PRR5L: variants seen among roughly 807,000 people sequenced by gnomAD.
PRR5L encodes proline-rich protein 5-like.
A neutral mutation model predicts 36.4 loss-of-function variants in PRR5L; 21 were observed. The observed-to-expected ratio is 0.58, with a 90% CI of 0.41 to 0.83. The LOEUF (loss-of-function observed/expected upper bound fraction) is 0.83, where lower values mean the gene tolerates loss of function less well. Ranked by LOEUF, PRR5L falls within the 40% of genes least tolerant of loss-of-function variation. PRR5L has a pLI of 0.00. For missense variants in PRR5L, 381 were observed against 473.3 expected (o/e 0.80, Z 1.81); for synonymous variants, 188 against 197.0 (o/e 0.95, Z 0.38).
chr11:36,338,922 C>T (rs935343665), intron 1 of PRR5L, among the ~76,000 whole-genome samples: 2 of 152,012 alleles, frequency 1.3e-5, no homozygotes, highest in African/African-American at 4.8e-5. Context: ...TCACGGGGGC[C>T]CGTCTTTCCC....
intron 1 of PRR5L, among the ~76,000 whole-genome samples, chr11:36,368,923 A>C (rs1857171452): frequency 6.6e-6 from 1 of 152,236 alleles, no homozygotes. Context: ...TAGGGTCCCC[A>C]ATCACTTTAA....
rs893209482 is a variant in PRR5L at position 36,376,319 on chromosome 11, G to A, written c.-125-24678G>A. 5.5e-6 allele frequency: 6 copies of A among 1,098,350 alleles called. No individual in the cohort carries two copies. In the African/African-American group the frequency reaches 1.1e-4, roughly 20 times the overall value. 68.0% of individuals were successfully genotyped at this position (1,098,350 alleles called of 1,614,324 possible). On this transcript the variant is annotated intron_variant, in intron 1 of 8. Coordinates refer to ENST00000530639, the MANE Select transcript of PRR5L (RefSeq NM_001160167.2). ...GGGAGGAGAAGGAGGAAGAGGGGAG[G>A]AGGGGGAGAAGGGGGAGGAGGAGGA...
At chr11:36,305,969 A>G (rs1249217690) in intron 1 of PRR5L, among the ~76,000 whole-genome samples, 1 of 152,254 alleles carries the variant, frequency 6.6e-6, no homozygotes, top group African/African-American at 2.4e-5. Context: ...TAAGATGTGT[A>G]TAAAGGTGCT....
chr11:36,332,085 C>T (rs181505436), intron 1 of PRR5L, among the ~76,000 whole-genome samples: 103 of 152,192 alleles, frequency 6.8e-4, no homozygotes, highest in African/African-American at 2.1e-3. Context: ...TGGCTTTAGA[C>T]GGGTTCATTC....
At chr11:36,320,875 A>G (rs992624040) in intron 1 of PRR5L, among the ~76,000 whole-genome samples, 1 of 152,234 alleles carries the variant, frequency 6.6e-6, no homozygotes, top group South Asian at 2.1e-4. Flanking sequence ...ACTGCATATA[A>G]TATGCTTAGT....
intron 1 of PRR5L, among the ~76,000 whole-genome samples, chr11:36,302,180 G>A (rs564127170): frequency 2.0e-5 from 3 of 152,280 alleles, no homozygotes; most frequent in South Asian, 2.1e-4. Context: ...ACAATGAATG[G>A]CCTCTAATCA....
intron 7 of PRR5L, among the ~76,000 whole-genome samples, chr11:36,448,943 G>A (rs906610761): frequency 6.6e-6 from 1 of 152,128 alleles, no homozygotes; most frequent in African/African-American, 2.4e-5. Context: ...GCCTTTCTAG[G>A]CAACTACTGC....
intron 1 of PRR5L, among the ~76,000 whole-genome samples, chr11:36,369,126 G>T (rs1045913224): frequency 6.6e-6 from 1 of 152,194 alleles, no homozygotes; most frequent in Non-Finnish European, 1.5e-5. Flanking sequence ...ATAAAAGCAC[G>T]TGGTGATGAT....
At chr11:36,336,771 T>C (rs1329054505) in intron 1 of PRR5L, among the ~76,000 whole-genome samples, 1 of 152,146 alleles carries the variant, frequency 6.6e-6, no homozygotes, top group African/African-American at 2.4e-5. Flanking sequence ...AGAATCCTCT[T>C]GCATGCCACC....
intron 4 of PRR5L, among the ~76,000 whole-genome samples, chr11:36,429,311 T>C (rs1450325766): frequency 6.6e-6 from 1 of 152,190 alleles, no homozygotes; most frequent in Admixed American, 6.5e-5. Context: ...AGTATATATA[T>C]TCAGTAAATA....
intron 1 of PRR5L, among the ~76,000 whole-genome samples, chr11:36,327,254 A>T (rs1279220501): frequency 6.6e-6 from 1 of 152,210 alleles, no homozygotes; most frequent in Non-Finnish European, 1.5e-5. Context: ...AGGGGATTCC[A>T]GGGTAAACCT....
chr11:36,339,679 G>C (rs1231552802), intron 1 of PRR5L, among the ~76,000 whole-genome samples: 1 of 152,220 alleles, frequency 6.6e-6, no homozygotes, highest in Non-Finnish European at 1.5e-5. Flanking sequence ...GTGGAGCCAG[G>C]ATTTAATCCA....
chr11:36,367,360 C>T (rs961920822), intron 1 of PRR5L, among the ~76,000 whole-genome samples: 24 of 152,266 alleles, frequency 1.6e-4, no homozygotes, highest in Admixed American at 1.3e-4. Context: ...AATTATTTTT[C>T]TTTGTTACTA....
chr11:36,462,819 T>G lies in PRR5L; in HGVS notation c.*83T>G. 1 of 1,300,716 alleles carries G rather than the reference T, an allele frequency of 7.7e-7. No homozygotes were observed. The highest frequency in any genetic ancestry group is 1.0e-6 in the Non-Finnish European group (1 of 958,514). 80.6% of individuals were successfully genotyped at this position (1,300,716 alleles called of 1,614,324 possible). ...ATCTCCGTGGATTACTGAGGGGGGC[T>G]CTTGCTTTATGCGATGCTGCCTTAT... On this transcript the variant is annotated 3_prime_UTR_variant, in exon 9 of 9. Transcript: ENST00000530639.
intron 1 of PRR5L, among the ~76,000 whole-genome samples, chr11:36,325,073 G>A (rs1420017685): frequency 2.6e-5 from 4 of 152,178 alleles, no homozygotes; most frequent in African/African-American, 9.7e-5. Context: ...CAAGCCTCGT[G>A]TTCTCTGACC....
chr11:36,440,596 C>T (rs1055657369), intron 6 of PRR5L, among the ~76,000 whole-genome samples: 1 of 152,010 alleles, frequency 6.6e-6, no homozygotes, highest in African/African-American at 2.4e-5. Context: ...GGAGCAGCGC[C>T]AAAGAGGAAC....
chr11:36,357,371 T>C (rs1313752267), intron 1 of PRR5L, among the ~76,000 whole-genome samples: 3 of 152,204 alleles, frequency 2.0e-5, no homozygotes, highest in African/African-American at 7.2e-5. Context: ...CTAGCTAAGA[T>C]CATTGATGAA....
intron 6 of PRR5L, among the ~76,000 whole-genome samples, chr11:36,438,479 T>G (rs1161353538): frequency 2.0e-5 from 3 of 152,224 alleles, no homozygotes; most frequent in Non-Finnish European, 4.4e-5. Context: ...GAGGTTATGC[T>G]TATAGATTCC....
rs1003957084 is a variant in PRR5L at position 36,401,008 on chromosome 11, G to A, written c.-114G>A. 11 of 1,480,852 alleles carry A rather than the reference G, an allele frequency of 7.4e-6. No homozygotes were observed. Among genetic ancestry groups the A allele is most frequent in the African/African-American group, 5.7e-5 (4 of 70,792 alleles). The allele number at this position is 1,480,852 out of a possible 1,614,324, so 91.7% of individuals were successfully genotyped here. A position where few individuals can be genotyped will look rare whatever the true frequency, so the allele number is the denominator to read the frequency against. On this transcript the variant is annotated 5_prime_UTR_variant, in exon 2 of 9. Coordinates refer to ENST00000530639, the MANE Select transcript of PRR5L (RefSeq NM_001160167.2). The stretch of plus-strand genomic sequence containing the variant: ...CCCTCTCTTTTCAGGTGTTGGCTAC[G>A]TTTGTGGTTTTAAGAAAGCCTGAGG...
Sources: gnomAD v4.1 joint callset for allele counts (sites outside exome capture counted in the v4.1 genomes callset) on GRCh38, gnomAD v4.1.1 for gene constraint, MANE v1.5 for transcripts, NCBI Gene and HGNC (gene_info 2026-07-23, HGNC 2026-07-21) for gene names.